The following DUSP15 variants were observed in gnomAD, a reference collection of about 807,000 sequenced individuals.
The protein encoded by DUSP15 is dual specificity phosphatase 15, also known as dual specificity protein phosphatase 15.
DUSP15 carries 23 observed loss-of-function variants against 26.3 expected under a neutral mutation model. The ratio of observed to expected loss-of-function variants is 0.87; its 90% CI spans 0.63 to 1.24. The LOEUF (loss-of-function observed/expected upper bound fraction) is 1.24, where lower values mean the gene tolerates loss of function less well. Among genes scored for constraint, DUSP15 ranks in the 50% most tolerant of loss-of-function variants. The probability of loss-of-function intolerance (pLI) is 0.00; values close to 1 mark genes in which losing one functional copy is unlikely to be tolerated. For synonymous variants in DUSP15, 143 were observed against 135.5 expected (o/e 1.06, Z -0.39); for missense variants, 364 against 320.6 (o/e 1.14, Z -1.03).
At chr20:31,856,785 G>T (rs1029531027), downstream of DUSP15, among the ~76,000 whole-genome samples, 2 of 152,072 alleles carry the variant, frequency 1.3e-5, no homozygotes, top group Admixed American at 6.5e-5. Context: ...GCCACGGAAG[G>T]GGACAGTGGG....
chr20:31,870,518 G>A lies in DUSP15; in HGVS notation c.-181C>T. 7.0e-7 allele frequency: 1 copy of A among 1,433,310 alleles called. No homozygotes were observed. Among genetic ancestry groups the A allele is most frequent in the Non-Finnish European group, 9.1e-7 (1 of 1,096,630 alleles). The allele number at this position is 1,433,310 out of a possible 1,614,324, so 88.8% of individuals were successfully genotyped here. ...CCACCGCCCGCCGACCCCCGGCCCG[G>A]GAGGGAAATGGTGGTGGAGCCGCCG... On this transcript the variant is annotated 5_prime_UTR_variant, in exon 1 of 7. Coordinates refer to ENST00000339738, the MANE Select transcript of DUSP15 (RefSeq NM_080611.5). The surrounding 1 kb of genome is among the most constrained non-coding windows in gnomAD (Gnocchi z 6.6).
chr20:31,861,323 C>G lies in DUSP15; in HGVS notation c.*80G>C, dbSNP rs550120515. 7.2e-7 allele frequency: 1 copy of G among 1,395,772 alleles called. No individual in the cohort carries two copies. Among genetic ancestry groups the G allele is most frequent in the Admixed American group, 3.3e-5 (1 of 30,152 alleles). 86.5% of individuals were successfully genotyped at this position (1,395,772 alleles called of 1,614,324 possible). Reference sequence around the variant, plus strand: ...GCGGGGCTCCCCCAGCCTCTGGGCCCGTCCTGGGGGGCGTGGAAGGCGCAG... The same window carrying G: ...GCGGGGCTCCCCCAGCCTCTGGGCCGGTCCTGGGGGGCGTGGAAGGCGCAG... On this transcript the variant is annotated 3_prime_UTR_variant, in exon 7 of 7. Transcript: ENST00000339738.
chr20:31,857,101 T>G (rs2062573068), downstream of DUSP15, among the ~76,000 whole-genome samples: 1 of 151,576 alleles, frequency 6.6e-6, no homozygotes, highest in African/African-American at 2.4e-5. Flanking sequence ...AGGGAGTTGG[T>G]GTAAGGAGAC....
At chr20:31,854,628 G>A (rs1383197857) in intron 6 of DUSP15, among the ~76,000 whole-genome samples, 2 of 152,166 alleles carry the variant, frequency 1.3e-5, no homozygotes, top group Non-Finnish European at 2.9e-5. Flanking sequence ...AGGGTCAGTA[G>A]GAAGTTGAGA....
downstream of DUSP15, among the ~76,000 whole-genome samples, chr20:31,846,444 G>GAA (rs1158423192): frequency 2.3e-4 from 13 of 56,932 alleles, no homozygotes; most frequent in African/African-American, 1.5e-3. Flanking sequence ...GGAATGAATA[G>GAA]AGAGAGAGAG....
At chr20:31,851,126 G>T (rs1378454740) in intron 6 of DUSP15, among the ~76,000 whole-genome samples, 1 of 152,306 alleles carries the variant, frequency 6.6e-6, no homozygotes, top group Admixed American at 6.5e-5. Context: ...AAACTCCCCC[G>T]CCCCCATGGA....
At chr20:31,857,956 G>A (rs924279465), downstream of DUSP15, among the ~76,000 whole-genome samples, 7 of 152,182 alleles carry the variant, frequency 4.6e-5, no homozygotes, top group African/African-American at 1.4e-4. Flanking sequence ...GGTGCAGGTC[G>A]TGGCAGCCTT....
intron 6 of DUSP15, among the ~76,000 whole-genome samples, chr20:31,853,697 G>A (rs2062512789): frequency 6.6e-6 from 1 of 151,314 alleles, no homozygotes; most frequent in Admixed American, 6.6e-5. Context: ...GACCTCCTGG[G>A]TTCGAGTGAT....
At chr20:31,857,304 A>C (rs1191506396), downstream of DUSP15, among the ~76,000 whole-genome samples, 1 of 151,834 alleles carries the variant, frequency 6.6e-6, no homozygotes, top group Non-Finnish European at 1.5e-5. Context: ...GATCTTTCTA[A>C]ATGCAAATCT....
intron 6 of DUSP15, 63 bp from the exon 7 acceptor site, chr20:31,861,738 G>GGGGGGGGC: frequency 4.6e-6 from 6 of 1,290,698 alleles, no homozygotes; most frequent in African/African-American, 1.6e-5. Context: ...AAGGCAGCCG[G>GGGGGGGGC]CCCCGCCCCC....
chr20:31,867,815 T>G (rs896014959), intron 2 of DUSP15, among the ~76,000 whole-genome samples: 4 of 152,012 alleles, frequency 2.6e-5, no homozygotes, highest in African/African-American at 9.7e-5. Flanking sequence ...CGGCTAATTT[T>G]TTTGCATTTT....
chr20:31,863,103 T>C (rs2062696891), intron 5 of DUSP15, among the ~76,000 whole-genome samples: 1 of 151,802 alleles, frequency 6.6e-6, no homozygotes, highest in Non-Finnish European at 1.5e-5. Context: ...GTTGATCAGA[T>C]AATCAATTCC....
intron 2 of DUSP15, 21 bp from the exon 3 acceptor site, chr20:31,867,174 G>C (rs753172461): frequency 1.3e-6 from 2 of 1,566,486 alleles, no homozygotes; most frequent in Non-Finnish European, 1.7e-6. Flanking sequence ...CAGGATGCTT[G>C]AGCCAATCTG....
intron 1 of DUSP15, chr20:31,869,811 G>A (rs1372844462): frequency 5.6e-6 from 8 of 1,434,780 alleles, no homozygotes; most frequent in Middle Eastern, 2.6e-4. Flanking sequence ...TTAACCAACC[G>A]AGGGAACCAA....
chr20:31,848,741 G>A lies in DUSP15; in HGVS notation c.726+65C>T, dbSNP rs2062409264. 5 of 1,532,900 alleles carry A rather than the reference G, an allele frequency of 3.3e-6. No individual in the cohort carries two copies. In the South Asian group the frequency reaches 4.8e-5, roughly 15 times the overall value. 95.0% of individuals were successfully genotyped at this position (1,532,900 alleles called of 1,614,324 possible). A position where few individuals can be genotyped will look rare whatever the true frequency, so the allele number is the denominator to read the frequency against. ...GCAGAGCTGGGACTGGAGGGAGTGT[G>A]GGAAGGGCTGTCTGGAGGGGACTGG... On this transcript the variant is annotated intron_variant, in intron 9 of 9. Transcript: ENST00000278979.
downstream of DUSP15, among the ~76,000 whole-genome samples, chr20:31,860,731 C>CAGGGA (rs1441129198): frequency 6.6e-6 from 1 of 152,066 alleles, no homozygotes; most frequent in Non-Finnish European, 1.5e-5. Flanking sequence ...TATTTGTGCA[C>CAGGGA]AGGGAAGGGA....
intron 3 of DUSP15, among the ~76,000 whole-genome samples, chr20:31,866,025 A>G (rs1223994388): frequency 2.0e-5 from 3 of 152,368 alleles, no homozygotes; most frequent in East Asian, 1.9e-4. Context: ...ATAAGACTGC[A>G]ATGGCCTGGA....
At chr20:31,865,050 C>T (rs558397332) in intron 3 of DUSP15, 48 bp from the exon 4 acceptor site, 3 of 1,606,418 alleles carry the variant, frequency 1.9e-6, no homozygotes, top group African/African-American at 1.3e-5. Flanking sequence ...CTGCAACCCT[C>T]CCTGATGCTG....
In DUSP15 at chr20:31,861,424, C is replaced by G; in HGVS notation, c.687G>C (p.Leu229=). 6.4e-7 allele frequency: 1 copy of G among 1,561,900 alleles called. No homozygotes were observed. Among genetic ancestry groups the G allele is most frequent in the East Asian group, 2.4e-5 (1 of 41,070 alleles). ...KQTFSCLPRC[L]SRKGGK ...ATCCTCACTTGCCGCCCTTGCGGGA[C>G]AGACACCGGGGGAGGCAAGAGAAAG... is the stretch of plus-strand genomic sequence containing the variant. The change falls in exon 7 of 7, where the codon CTG becomes CTC. Residue 229 remains leucine (L), a synonymous_variant. Coordinates refer to ENST00000339738, the MANE Select transcript of DUSP15 (RefSeq NM_080611.5).
Sources: allele counts gnomAD v4.1 joint callset (sites outside exome capture counted in the v4.1 genomes callset), GRCh38; gene constraint gnomAD v4.1.1; non-coding constraint Gnocchi (gnomAD v3.1); transcripts MANE v1.5; gene names NCBI Gene and HGNC (gene_info 2026-07-23, HGNC 2026-07-21).